MCHR2: variants seen among roughly 807,000 people sequenced by gnomAD.
MCHR2 encodes melanin-concentrating hormone receptor 2.
MCHR2 carries 15 observed loss-of-function variants against 24.8 expected under a neutral mutation model. The observed-to-expected ratio is 0.60, with a 90% CI of 0.40 to 0.93. MCHR2 has a LOEUF of 0.93. Ranked by LOEUF, MCHR2 falls within the 40% of genes least tolerant of loss-of-function variation. The pLI, the probability that MCHR2 is intolerant of heterozygous loss-of-function variation, is 0.00. For synonymous variants in MCHR2, 151 were observed against 147.6 expected (o/e 1.02, Z -0.17); for missense variants, 386 against 408.7 (o/e 0.94, Z 0.48).
At chr6:99,984,881 C>T (rs1250648590) in intron 1 of MCHR2, among the ~76,000 whole-genome samples, 13 of 151,932 alleles carry the variant, frequency 8.6e-5, no homozygotes, top group Non-Finnish European at 1.6e-4. Context: ...AAAAGTAAGT[C>T]GAATTATTTC....
rs992729754 is a variant in MCHR2, at chr6:99,918,645, C to T, written c.*2295G>A. On this transcript the variant is annotated 3_prime_UTR_variant, in exon 6 of 6. Transcript: ENST00000281806. Reference sequence around the variant, plus strand: ...ACAAATACCCAAGTATCATTATTAACTTCATTTGAAAGTAAACATGTATAC... The same window carrying T: ...ACAAATACCCAAGTATCATTATTAATTTCATTTGAAAGTAAACATGTATAC... Among the ~76,000 whole-genome samples the T allele has an allele frequency of 3.3e-5, 5 of 152,230 alleles. No individual in the cohort carries two copies. The highest frequency in any genetic ancestry group is 9.6e-5 in the African/African-American group (4 of 41,542).
At chr6:99,983,879 C>T (rs1245549743) in intron 1 of MCHR2, among the ~76,000 whole-genome samples, 3 of 152,066 alleles carry the variant, frequency 2.0e-5, no homozygotes, top group Non-Finnish European at 2.9e-5. Context: ...AGTTATTTTT[C>T]TATATTAGAG....
At chr6:99,955,829 A>T in intron 2 of MCHR2, 137 bp downstream of exon 2, 2 of 700,366 alleles carry the variant, frequency 2.9e-6, no homozygotes, top group Non-Finnish European at 4.3e-6. Context: ...AATCTTCATT[A>T]ATTATCTTAA....
chr6:99,950,583 T>C (rs1348406157), intron 2 of MCHR2, among the ~76,000 whole-genome samples: 2 of 152,068 alleles, frequency 1.3e-5, no homozygotes, highest in Non-Finnish European at 2.9e-5. Flanking sequence ...TTTGAAAGAA[T>C]ATTTAATCAG....
rs200512754 is a variant in MCHR2, at chr6:99,934,400, T to C, written c.705A>G (p.Arg235=). 6 of 1,575,520 alleles carry C rather than the reference T, an allele frequency of 3.8e-6. No homozygotes were observed. Among genetic ancestry groups the C allele is most frequent in the Non-Finnish European group, 5.1e-6 (6 of 1,167,106 alleles). The change falls in exon 5 of 6, where the codon AGA becomes AGG. Residue 235 remains arginine, a splice_region_variant and synonymous_variant. Transcript: ENST00000281806. ...AATAAAACAAGGCAAACACTTACCA[T>C]CTGGCATCCTTATTCTGTTGATACA... ...WEMYQQNKDA[R]CCNPSVPKQR...
At chr6:99,974,428 C>T (rs910283313) in intron 1 of MCHR2, among the ~76,000 whole-genome samples, 2 of 152,212 alleles carry the variant, frequency 1.3e-5, no homozygotes, top group East Asian at 3.9e-4. Context: ...TTAAGGACTT[C>T]TCTGCATTGG....
chr6:99,965,110 C>G (rs145215910), intron 1 of MCHR2, among the ~76,000 whole-genome samples: 4 of 152,044 alleles, frequency 2.6e-5, no homozygotes, highest in Non-Finnish European at 5.9e-5. Context: ...CTTTCTTGTC[C>G]TTGGTAGCCA....
intron 1 of MCHR2, among the ~76,000 whole-genome samples, chr6:99,988,797 C>T (rs1428436386): frequency 6.6e-6 from 1 of 152,188 alleles, no homozygotes; most frequent in Non-Finnish European, 1.5e-5. Flanking sequence ...TTTTTACGTG[C>T]ATCTTCTAAT....
chr6:99,952,928 T>C (rs2114536641), intron 2 of MCHR2, among the ~76,000 whole-genome samples: 1 of 152,306 alleles, frequency 6.6e-6, no homozygotes, highest in East Asian at 1.9e-4. Context: ...ATGTATAAAA[T>C]GATAATATGA....
chr6:99,972,903 T>G (rs532299850), intron 1 of MCHR2, among the ~76,000 whole-genome samples: 34 of 152,334 alleles, frequency 2.2e-4, no homozygotes, highest in East Asian at 1.2e-3. Flanking sequence ...GAGTTCTAGT[T>G]TGATTGCACT....
chr6:99,921,307 G>A (rs1363283073), intron 5 of MCHR2, 52 bp from the exon 6 acceptor site: 2 of 1,529,982 alleles, frequency 1.3e-6, no homozygotes, highest in Non-Finnish European at 8.9e-7. Flanking sequence ...TAGAAATTAT[G>A]GGGCAATGTG....
chr6:99,974,159 C>T (rs1293840355), intron 1 of MCHR2, among the ~76,000 whole-genome samples: 2 of 152,170 alleles, frequency 1.3e-5, no homozygotes, highest in African/African-American at 4.8e-5. Flanking sequence ...GAGTGTTTTC[C>T]AGCTTGGTTC....
chr6:99,947,676 C>A (rs1300780731), intron 3 of MCHR2, 86 bp downstream of exon 3: 3 of 1,396,390 alleles, frequency 2.1e-6, no homozygotes, highest in Non-Finnish European at 3.0e-6. Flanking sequence ...TGTTATAAAC[C>A]AAAACTGGTG....
intron 4 of MCHR2, among the ~76,000 whole-genome samples, chr6:99,937,545 T>C (rs2114512418): frequency 6.6e-6 from 1 of 152,094 alleles, no homozygotes; most frequent in East Asian, 1.9e-4. Flanking sequence ...CTCACATTCC[T>C]TGGATGAGTT....
chr6:99,923,555 G>A (rs779175223), intron 5 of MCHR2, among the ~76,000 whole-genome samples: 11 of 151,618 alleles, frequency 7.3e-5, no homozygotes, highest in Non-Finnish European at 1.0e-4. Context: ...ATTATGTTGA[G>A]GTATGTTCCT....
chr6:99,960,771 A>G (rs1336977580), intron 1 of MCHR2, among the ~76,000 whole-genome samples: 1 of 152,226 alleles, frequency 6.6e-6, no homozygotes, highest in Non-Finnish European at 1.5e-5. Context: ...AAAACTGGCT[A>G]GCCATATGCA....
intron 1 of MCHR2, among the ~76,000 whole-genome samples, chr6:99,983,022 G>A (rs960539931): frequency 2.6e-5 from 4 of 152,082 alleles, no homozygotes; most frequent in African/African-American, 9.7e-5. Flanking sequence ...GTGCAGTGGT[G>A]CAATCACGGC....
At chr6:99,951,095 CCT>C (rs1160181366) in intron 2 of MCHR2, among the ~76,000 whole-genome samples, 1 of 152,102 alleles carries the variant, frequency 6.6e-6, no homozygotes, top group Non-Finnish European at 1.5e-5. Context: ...GACTGAAAAA[CCT>C]CTTTCTCCCT....
chr6:99,962,656 A>G (rs1380733294), intron 1 of MCHR2, among the ~76,000 whole-genome samples: 1 of 152,170 alleles, frequency 6.6e-6, no homozygotes, highest in Non-Finnish European at 1.5e-5. Flanking sequence ...CGAAGAAAAC[A>G]TAGGGGAAAT....
Sources: gnomAD v4.1 joint callset for allele counts (sites outside exome capture counted in the v4.1 genomes callset) on GRCh38, gnomAD v4.1.1 for gene constraint, MANE v1.5 for transcripts, NCBI Gene and HGNC (gene_info 2026-07-23, HGNC 2026-07-21) for gene names.